MPPED2: variants seen among roughly 807,000 people sequenced by gnomAD.
MPPED2 encodes metallophosphoesterase domain containing 2.
In MPPED2, 5 loss-of-function variants were observed where a neutral mutation model predicts 33.0. The observed-to-expected ratio is 0.15, with a 90% CI of 0.08 to 0.32. The LOEUF is 0.32. Among genes scored for constraint, MPPED2 ranks in the 10% least tolerant of loss-of-function variants. The pLI, the probability that MPPED2 is intolerant of heterozygous loss-of-function variation, is 1.00. For missense variants in MPPED2, 275 were observed against 372.1 expected (o/e 0.74, Z 2.15); for synonymous variants, 136 against 141.9 (o/e 0.96, Z 0.29).
chr11:30,475,401 A>T (rs1026830635), intron 4 of MPPED2, among the ~76,000 whole-genome samples: 5 of 152,230 alleles, frequency 3.3e-5, no homozygotes, highest in African/African-American at 1.2e-4. Flanking sequence ...TTAAGATACC[A>T]ATCATTTTTT....
chr11:30,525,459 G>T (rs1954114514), intron 3 of MPPED2, among the ~76,000 whole-genome samples: 1 of 151,266 alleles, frequency 6.6e-6, no homozygotes, highest in African/African-American at 2.4e-5. Context: ...ATTCCTAAAA[G>T]GTCACCCTTT....
chr11:30,508,287 G>T (rs918017807), intron 3 of MPPED2, among the ~76,000 whole-genome samples: 1 of 152,096 alleles, frequency 6.6e-6, no homozygotes, highest in Non-Finnish European at 1.5e-5. Context: ...AAATGTGTTT[G>T]TTCTATGAGG....
At chr11:30,442,029 A>G (rs913082653) in intron 4 of MPPED2, among the ~76,000 whole-genome samples, 1 of 152,228 alleles carries the variant, frequency 6.6e-6, no homozygotes, top group Non-Finnish European at 1.5e-5. Flanking sequence ...TCTGGCTCAT[A>G]GTAAAACTGG....
In MPPED2 at chr11:30,535,824, C is replaced by A. The variant is rs143195390; in HGVS notation, c.310+170G>T. Among the ~76,000 whole-genome samples the A allele has an allele frequency of 8.4e-3, 1,272 of 152,204 alleles. 17 individuals carry two copies. Among genetic ancestry groups the A allele is most frequent in the African/African-American group, 0.029 (1,202 of 41,502 alleles). On this transcript the variant is annotated intron_variant, in intron 3 of 6. Transcript: ENST00000358117. The stretch of plus-strand genomic sequence containing the variant: ...AAGGATGCACAGTAAAATTAAATAT[C>A]TAAAAATTCATCTTTAATTAACAGA...
chr11:30,419,108 T>C lies in MPPED2; in HGVS notation c.537-1475A>G, dbSNP rs529593341. On this transcript the variant is annotated intron_variant, in intron 4 of 6. Coordinates refer to ENST00000358117, the MANE Select transcript of MPPED2 (RefSeq NM_001584.3). ...AATAGAAATAAGAATATGAGGAGAA[T>C]AATTATATTGTGTTATTTAATGCTT... is the stretch of plus-strand genomic sequence containing the variant. Among the ~76,000 whole-genome samples, 4 of 152,098 alleles carry C rather than the reference T, an allele frequency of 2.6e-5. No individual in the cohort carries two copies. In the East Asian group the frequency reaches 7.7e-4, roughly 29 times the overall value.
intron 4 of MPPED2, chr11:30,451,770 G>A: frequency 1.0e-6 from 1 of 985,152 alleles, no homozygotes; most frequent in Non-Finnish European, 1.2e-6. Flanking sequence ...TTTGAGGGGT[G>A]GGAGGGGACA....
chr11:30,464,700 C>T (rs1472735518), intron 4 of MPPED2, among the ~76,000 whole-genome samples: 1 of 152,150 alleles, frequency 6.6e-6, no homozygotes, highest in Non-Finnish European at 1.5e-5. Flanking sequence ...ATATTCAAAG[C>T]TATGATTTGT....
Position 30,456,053 on chromosome 11 carries a change from G to A in MPPED2, c.537-38420C>T, listed in dbSNP as rs1950266589. ...TTCTAAGAATTTCACTGTCTCTGCA[G>A]ACATGTCTTTATTTGTCCTTTATAA... On this transcript the variant is annotated intron_variant, in intron 4 of 6. Transcript: ENST00000358117. Among the ~76,000 whole-genome samples the A allele has an allele frequency of 3.3e-5, 5 of 152,280 alleles. No homozygotes were observed. In the South Asian group the frequency reaches 1.0e-3, roughly 32 times the overall value.
intron 2 of MPPED2, among the ~76,000 whole-genome samples, chr11:30,565,550 A>T (rs1483316370): frequency 6.6e-6 from 1 of 152,094 alleles, no homozygotes; most frequent in Non-Finnish European, 1.5e-5. Context: ...AAGTCCAGAG[A>T]CTCAATTAGG....
chr11:30,586,185 A>G lies in MPPED2; in HGVS notation c.-265T>C. 1 of 152,806 alleles carries G rather than the reference A, an allele frequency of 6.5e-6. No individual in the cohort carries two copies. The highest frequency in any genetic ancestry group is 1.5e-5 in the Non-Finnish European group (1 of 68,814). 9.5% of individuals were successfully genotyped at this position (152,806 alleles called of 1,614,324 possible). A position where few individuals can be genotyped will look rare whatever the true frequency, so the allele number is the denominator to read the frequency against. On this transcript the variant is annotated 5_prime_UTR_variant, in exon 1 of 7. Coordinates refer to ENST00000358117, the MANE Select transcript of MPPED2 (RefSeq NM_001584.3). This position sits in a 1 kb window ranked among gnomAD's most constrained non-coding sequence, Gnocchi z 4.8. ...GGGCGCGAGCGGGCCAGAACCTTCGACCCCGGAGGTCCCGCCGCAGGCTGG... is the reference window on the plus strand; with the variant it reads ...GGGCGCGAGCGGGCCAGAACCTTCGGCCCCGGAGGTCCCGCCGCAGGCTGG...
chr11:30,480,770 G>T (rs925245450), intron 4 of MPPED2, among the ~76,000 whole-genome samples: 1 of 152,102 alleles, frequency 6.6e-6, no homozygotes, highest in Non-Finnish European at 1.5e-5. Context: ...CTAGAAAAAA[G>T]TTATGCATTT....
intron 2 of MPPED2, among the ~76,000 whole-genome samples, chr11:30,554,001 A>G (rs1422120343): frequency 1.3e-5 from 2 of 152,180 alleles, no homozygotes; most frequent in Non-Finnish European, 2.9e-5. Context: ...AACTTCATGA[A>G]GCAAACCAAG....
intron 2 of MPPED2, 48 bp downstream of exon 2, chr11:30,580,198 T>C (rs774098945): frequency 6.9e-6 from 11 of 1,584,480 alleles, no homozygotes; most frequent in Non-Finnish European, 3.4e-6. Context: ...TTTTTTTCTT[T>C]TTATTTTCTT....
intron 4 of MPPED2, among the ~76,000 whole-genome samples, chr11:30,468,256 ACTCTCTCT>A (rs3837402): frequency 0.049 from 6,984 of 142,788 alleles, 227 homozygotes; most frequent in Middle Eastern, 0.079. Flanking sequence ...ACACACACAC[ACTCTCTCT>A]CTCTCTCTCT....
chr11:30,541,324 C>T (rs886089680), intron 2 of MPPED2, among the ~76,000 whole-genome samples: 2 of 152,088 alleles, frequency 1.3e-5, no homozygotes, highest in Non-Finnish European at 2.9e-5. Context: ...CCTCTTCCGG[C>T]CATATTTATT....
intron 4 of MPPED2, among the ~76,000 whole-genome samples, chr11:30,477,894 T>A (rs1951297364): frequency 1.3e-5 from 2 of 152,152 alleles, no homozygotes; most frequent in African/African-American, 4.8e-5. Flanking sequence ...CCAGAGACTT[T>A]GTAGAATATA....
At chr11:30,564,862 A>T (rs780044644) in intron 2 of MPPED2, among the ~76,000 whole-genome samples, 1 of 152,148 alleles carries the variant, frequency 6.6e-6, no homozygotes, top group African/African-American at 2.4e-5. Flanking sequence ...ATGCCCCCCA[A>T]TCTGACTCCA....
At chr11:30,551,298 C>T (rs1955699657) in intron 2 of MPPED2, among the ~76,000 whole-genome samples, 1 of 152,090 alleles carries the variant, frequency 6.6e-6, no homozygotes. Context: ...ATTATTAATC[C>T]CATTTTACAG....
intron 1 of MPPED2, among the ~76,000 whole-genome samples, chr11:30,581,690 C>T (rs776393295): frequency 2.0e-4 from 31 of 152,138 alleles, no homozygotes; most frequent in Middle Eastern, 3.2e-3. Context: ...TGCCATAGGC[C>T]ATTTATTTTA....
Sources: allele counts gnomAD v4.1 joint callset (sites outside exome capture counted in the v4.1 genomes callset), GRCh38; gene constraint gnomAD v4.1.1; non-coding constraint Gnocchi (gnomAD v3.1); transcripts MANE v1.5; gene names NCBI Gene and HGNC (gene_info 2026-07-23, HGNC 2026-07-21).